The following PPP1R9A variants were observed in gnomAD, a reference collection of about 807,000 sequenced individuals.
The protein encoded by PPP1R9A is neurabin-1.
In PPP1R9A, 59 loss-of-function variants were observed where a neutral mutation model predicts 141.9. The ratio of observed to expected loss-of-function variants is 0.42; its 90% CI spans 0.34 to 0.52. PPP1R9A has a LOEUF of 0.52. Among genes scored for constraint, PPP1R9A ranks in the 20% least tolerant of loss-of-function variants. The pLI, the probability that PPP1R9A is intolerant of heterozygous loss-of-function variation, is 0.10. For synonymous variants in PPP1R9A, 500 were observed against 569.7 expected (o/e 0.88, Z 1.74); for missense variants, 1,444 against 1,611.9 (o/e 0.90, Z 1.78).
At chr7:95,255,022 T>A (rs1015265711) in intron 12 of PPP1R9A, among the ~76,000 whole-genome samples, 3 of 152,050 alleles carry the variant, frequency 2.0e-5, no homozygotes, top group African/African-American at 7.2e-5. Flanking sequence ...ACGTAACAAA[T>A]TTTTTTCCAC....
At chr7:94,917,879 C>T (rs1792293586) in intron 2 of PPP1R9A, among the ~76,000 whole-genome samples, 1 of 152,156 alleles carries the variant, frequency 6.6e-6, no homozygotes, top group Non-Finnish European at 1.5e-5. Context: ...TTAATATGCC[C>T]ATTACAAGTA....
chr7:95,270,459 T>C (rs373977141), intron 14 of PPP1R9A, among the ~76,000 whole-genome samples: 1 of 151,984 alleles, frequency 6.6e-6, no homozygotes, highest in South Asian at 2.1e-4. Context: ...TTACAAATCA[T>C]TTTTTTTCAT....
intron 2 of PPP1R9A, among the ~76,000 whole-genome samples, chr7:95,008,061 G>A (rs1803873387): frequency 6.6e-6 from 1 of 152,066 alleles, no homozygotes; most frequent in African/African-American, 2.4e-5. Context: ...GACAGAGTGA[G>A]ACTCCATCTC....
chr7:95,079,798 T>G (rs1815500522), intron 2 of PPP1R9A, among the ~76,000 whole-genome samples: 1 of 152,164 alleles, frequency 6.6e-6, no homozygotes, highest in Non-Finnish European at 1.5e-5. Flanking sequence ...TGCAAATCAA[T>G]AAATGTAATC....
At chr7:95,126,360 C>T (rs1262523136) in intron 4 of PPP1R9A, among the ~76,000 whole-genome samples, 2 of 152,142 alleles carry the variant, frequency 1.3e-5, no homozygotes, top group African/African-American at 4.8e-5. Flanking sequence ...TTTCATTACC[C>T]TTATCCCTAT....
At chr7:95,125,434 A>T (rs1035825885) in intron 4 of PPP1R9A, among the ~76,000 whole-genome samples, 2 of 152,162 alleles carry the variant, frequency 1.3e-5, no homozygotes, top group African/African-American at 4.8e-5. Context: ...AATAATATTA[A>T]ATACATTGAC....
At chr7:95,003,702 A>T (rs1236485450) in intron 2 of PPP1R9A, among the ~76,000 whole-genome samples, 3 of 152,182 alleles carry the variant, frequency 2.0e-5, no homozygotes, top group South Asian at 2.1e-4. Context: ...GCTTCTTAAA[A>T]TTACCAGTGT....
intron 2 of PPP1R9A, among the ~76,000 whole-genome samples, chr7:95,069,838 C>T (rs1354571852): frequency 6.6e-6 from 1 of 152,082 alleles, no homozygotes; most frequent in African/African-American, 2.4e-5. Flanking sequence ...TTACATCTTA[C>T]TGTATGTGTA....
intron 4 of PPP1R9A, among the ~76,000 whole-genome samples, chr7:95,138,883 T>C: frequency 6.6e-6 from 1 of 152,208 alleles, no homozygotes; most frequent in East Asian, 1.9e-4. Flanking sequence ...AGTGAAACGC[T>C]CCCTTATGGC....
intron 2 of PPP1R9A, among the ~76,000 whole-genome samples, chr7:94,970,475 T>C (rs563350207): frequency 6.6e-6 from 1 of 152,118 alleles, no homozygotes; most frequent in Non-Finnish European, 1.5e-5. Context: ...CACCCTGCTT[T>C]GTCTCACTGT....
At chr7:95,265,374 CCTT>C (rs1441329630) in intron 12 of PPP1R9A, among the ~76,000 whole-genome samples, 1 of 152,148 alleles carries the variant, frequency 6.6e-6, no homozygotes, top group East Asian at 1.9e-4. Flanking sequence ...CACAAATTGA[CCTT>C]CTTTAAGCCT....
chr7:95,016,364 T>A (rs1805105252), intron 2 of PPP1R9A, among the ~76,000 whole-genome samples: 1 of 152,096 alleles, frequency 6.6e-6, no homozygotes, highest in African/African-American at 2.4e-5. Flanking sequence ...AATAAATAAA[T>A]GTTTTGAAAA....
chr7:95,270,920 A>G (rs1003545904), intron 14 of PPP1R9A, among the ~76,000 whole-genome samples: 2 of 152,214 alleles, frequency 1.3e-5, no homozygotes, highest in African/African-American at 4.8e-5. Context: ...CTCTGCAAGT[A>G]TAGATAGAGT....
intron 2 of PPP1R9A, among the ~76,000 whole-genome samples, chr7:95,043,292 T>C (rs1289932538): frequency 6.6e-6 from 1 of 152,190 alleles, no homozygotes; most frequent in African/African-American, 2.4e-5. Flanking sequence ...CATATCTGCC[T>C]TGAATAACTG....
intron 5 of PPP1R9A, among the ~76,000 whole-genome samples, chr7:95,196,541 A>C (rs1364765616): frequency 1.3e-5 from 2 of 152,162 alleles, no homozygotes; most frequent in African/African-American, 4.8e-5. Flanking sequence ...CTTTCTTTAT[A>C]ATATCAACCC....
At chr7:95,026,508 C>T (rs909079199) in intron 2 of PPP1R9A, among the ~76,000 whole-genome samples, 2 of 152,172 alleles carry the variant, frequency 1.3e-5, no homozygotes, top group Admixed American at 6.5e-5. Flanking sequence ...TGTGAGGTGT[C>T]TATTGGTCCC....
intron 7 of PPP1R9A, among the ~76,000 whole-genome samples, 190 bp from the exon 8 acceptor site, chr7:95,225,771 T>C (rs555358708): frequency 6.6e-6 from 1 of 152,336 alleles, no homozygotes; most frequent in South Asian, 2.1e-4. Flanking sequence ...GGCATAGGTT[T>C]GTCACTTTGG....
intron 7 of PPP1R9A, among the ~76,000 whole-genome samples, 177 bp from the exon 8 acceptor site, chr7:95,225,784 C>G (rs1346653975): frequency 2.0e-5 from 3 of 152,162 alleles, no homozygotes; most frequent in Non-Finnish European, 4.4e-5. Flanking sequence ...CACTTTGGAT[C>G]TTTAAACTAA....
At chr7:95,049,276 T>A (rs754901216) in intron 2 of PPP1R9A, among the ~76,000 whole-genome samples, 18 of 152,190 alleles carry the variant, frequency 1.2e-4, no homozygotes, top group Non-Finnish European at 2.2e-4. Flanking sequence ...AATTTGTTTA[T>A]TTTGGAGAAG....
Sources: gnomAD v4.1 joint callset for allele counts (sites outside exome capture counted in the v4.1 genomes callset) on GRCh38, gnomAD v4.1.1 for gene constraint, MANE v1.5 for transcripts, NCBI Gene and HGNC (gene_info 2026-07-23, HGNC 2026-07-21) for gene names.